The following CCDC39 variants were observed in gnomAD, a reference collection of about 807,000 sequenced individuals.
The protein encoded by CCDC39 is coiled-coil domain 39 molecular ruler complex subunit, also known as coiled-coil domain-containing protein 39.
A neutral mutation model predicts 121.0 loss-of-function variants in CCDC39; 113 were observed. The ratio of observed to expected loss-of-function variants is 0.93; its 90% confidence interval spans 0.80 to 1.09. CCDC39 has a LOEUF of 1.09. CCDC39 is among the 50% of genes least tolerant of loss of function. The probability of loss-of-function intolerance (pLI) is 0.00; values close to 1 mark genes in which losing one functional copy is unlikely to be tolerated. For synonymous variants in CCDC39, 349 were observed against 352.2 expected (o/e 0.99, Z 0.10); for missense variants, 1,063 against 1,074.7 (o/e 0.99, Z 0.15).
intron 1 of CCDC39, among the ~76,000 whole-genome samples, chr3:180,678,181 C>T (rs1226108900): frequency 1.3e-5 from 2 of 152,076 alleles, no homozygotes; most frequent in African/African-American, 4.8e-5. Context: ...GGATCTGAAC[C>T]CAGGGCTGGA....
At chr3:180,654,362 G>A (rs1711535009) in intron 7 of CCDC39, among the ~76,000 whole-genome samples, 1 of 151,302 alleles carries the variant, frequency 6.6e-6, no homozygotes, top group African/African-American at 2.4e-5. Flanking sequence ...CAGGAGAAAA[G>A]CTCCTTGACA....
Position 180,660,602 on chromosome 3 carries a change from T to G in CCDC39, c.484A>C (p.Lys162Gln). The change falls in exon 4 of 20, where the codon AAG becomes CAG. Residue 162 changes from lysine (K) to glutamine (Q), a missense_variant. Lys to Gln is a moderately conservative substitution (Grantham distance 53). Coordinates refer to ENST00000476379, the MANE Select transcript of CCDC39 (RefSeq NM_181426.2). ...TTATTATCATCTTGTTGTGCATACT[T>G]CTGGAGAGTGAGAGCATCACTATCT... Reference protein sequence around the residue: ...HKDSDALTLQKYAQQDDNKIR... With the variant: ...HKDSDALTLQQYAQQDDNKIR... 1 of 1,599,636 alleles carries G rather than the reference T, an allele frequency of 6.3e-7. No homozygotes were observed. Among genetic ancestry groups the G allele is most frequent in the East Asian group, 2.2e-5 (1 of 44,676 alleles).
intron 13 of CCDC39, among the ~76,000 whole-genome samples, chr3:180,636,319 C>T (rs1717827926): frequency 6.6e-6 from 1 of 152,100 alleles, no homozygotes; most frequent in African/African-American, 2.4e-5. Context: ...AACAGCCAAG[C>T]CAATAGCCAA....
At chr3:180,627,266 A>T (rs893464110) in intron 14 of CCDC39, among the ~76,000 whole-genome samples, 4 of 152,230 alleles carry the variant, frequency 2.6e-5, no homozygotes, top group African/African-American at 9.6e-5. Context: ...ACATAATTTT[A>T]AAAAGTTTAG....
At position 180,614,239 on chromosome 3, in the gene CCDC39, G is replaced by A. The variant is rs528083407; in HGVS notation, c.*682C>T. On this transcript the variant is annotated 3_prime_UTR_variant, in exon 20 of 20. Transcript: ENST00000476379. ...TTTCAAAATTGTTTATACTTGGTTG[G>A]CTGTATCTGAAAGCAAATCTTTAAT... 4 of 159,178 alleles carry A rather than the reference G, an allele frequency of 2.5e-5. No individual in the cohort carries two copies. The highest frequency in any genetic ancestry group is 6.1e-5 in the Admixed American group (1 of 16,272). The allele number at this position is 159,178 out of a possible 1,614,324, so 9.9% of individuals were successfully genotyped here.
chr3:180,642,306 A>G (rs1347554202), intron 12 of CCDC39, 105 bp from the exon 13 acceptor site: 3 of 581,570 alleles, frequency 5.2e-6, no homozygotes, highest in Non-Finnish European at 8.5e-6. Context: ...ACCTTTTTCC[A>G]ATTTAACCAT....
chr3:180,659,336 A>C, intron 6 of CCDC39, 116 bp downstream of exon 6: 1 of 1,300,188 alleles, frequency 7.7e-7, no homozygotes, highest in Non-Finnish European at 1.1e-6. Flanking sequence ...AAAACTACTG[A>C]ATATTGCTAC....
chr3:180,661,965 G>A lies in CCDC39; in HGVS notation c.253C>T (p.His85Tyr). 3 of 1,558,622 alleles carry A rather than the reference G, an allele frequency of 1.9e-6. No individual in the cohort carries two copies. Among genetic ancestry groups the A allele is most frequent in the Non-Finnish European group, 2.6e-6 (3 of 1,149,954 alleles). ...ARERETESEE[H>Y]FKAIAQRELG... ...TCTCTTTGAGCAATGGCCTTAAAAT[G>A]TTCTTCACTTTCAGTCTCACGCTCC... Residue 85 changes from histidine to tyrosine, a missense_variant, in exon 3 of 20, where the codon CAT (histidine) becomes TAT (tyrosine). Transcript: ENST00000476379.
At chr3:180,648,113 A>T in intron 10 of CCDC39, 52 bp downstream of exon 10, 1 of 1,428,138 alleles carries the variant, frequency 7.0e-7, no homozygotes, top group Non-Finnish European at 9.7e-7. Context: ...TATCTTGACC[A>T]TCACAACTGT....
At chr3:180,678,689 GTAGT>G (rs1395640989) in intron 1 of CCDC39, among the ~76,000 whole-genome samples, 1 of 151,464 alleles carries the variant, frequency 6.6e-6, no homozygotes, top group Non-Finnish European at 1.5e-5. Flanking sequence ...GCTATGAATT[GTAGT>G]TAGTGTAAGT....
intron 1 of CCDC39, among the ~76,000 whole-genome samples, chr3:180,668,952 G>C (rs2108433378): frequency 6.6e-6 from 1 of 152,256 alleles, no homozygotes; most frequent in Admixed American, 6.5e-5. Context: ...GCCTTTCCCA[G>C]ATTATTTTAA....
chr3:180,618,579 C>T (rs1717335653), intron 16 of CCDC39, among the ~76,000 whole-genome samples: 1 of 152,074 alleles, frequency 6.6e-6, no homozygotes, highest in South Asian at 2.1e-4. Flanking sequence ...CACAACAGGC[C>T]CCAGTGTGTG....
chr3:180,642,011 T>G lies in CCDC39; in HGVS notation c.1856A>C (p.Gln619Pro). 1 of 1,585,526 alleles carries G rather than the reference T, an allele frequency of 6.3e-7. No homozygotes were observed. The highest frequency in any genetic ancestry group is 2.3e-5 in the East Asian group (1 of 44,168). ...MLASQIRYVD[Q>P]ERENISTEFR... ...AAATTACCTTATGTTTTCCCGTTCT[T>G]GATCAACATATCTTATTTGTGACGC... Residue 619 changes from glutamine (Q) to proline (P), a missense_variant, in exon 13 of 20, where the codon CAA (glutamine) becomes CCA (proline). Transcript: ENST00000476379.
rs201586263 is a variant in CCDC39 at position 180,619,912 on chromosome 3, T to C, written c.2057A>G (p.Asn686Ser). 622 of 1,610,642 alleles carry C rather than the reference T, an allele frequency of 3.9e-4. 3 individuals are homozygous for C. The highest frequency in any genetic ancestry group is 8.2e-4 in the South Asian group (74 of 90,680). Residue 686 changes from asparagine (N) to serine (S), a missense_variant, in exon 15 of 20, where the codon AAC becomes AGC. Transcript: ENST00000476379. ...REGDCLDAKI[N>S]KAEKEIYALE... is the part of the protein sequence containing the mutation. ...AGCGTAGATTTCTTTTTCAGCTTTG[T>C]TGATCTTGGCATCCAAACAGTCACC...
chr3:180,677,330 T>A (rs887790004), intron 1 of CCDC39, among the ~76,000 whole-genome samples: 2 of 149,368 alleles, frequency 1.3e-5, no homozygotes, highest in Non-Finnish European at 3.0e-5. Context: ...TAAAAGTGAC[T>A]GCGGTAAGGA....
At chr3:180,672,470 T>C (rs560916363) in intron 1 of CCDC39, among the ~76,000 whole-genome samples, 1 of 152,170 alleles carries the variant, frequency 6.6e-6, no homozygotes, top group Admixed American at 6.5e-5. Flanking sequence ...GGCACATGCC[T>C]GTAATTCCAG....
intron 14 of CCDC39, among the ~76,000 whole-genome samples, chr3:180,629,511 A>G (rs1030751018): frequency 7.2e-5 from 11 of 152,332 alleles, no homozygotes; most frequent in Admixed American, 2.0e-4. Context: ...GGCCCACTAG[A>G]AAATGCCAAC....
intron 11 of CCDC39, among the ~76,000 whole-genome samples, chr3:180,646,207 A>C (rs1718063428): frequency 6.6e-6 from 1 of 152,044 alleles, no homozygotes. Flanking sequence ...TTTTCCACTA[A>C]ACAAAGATAA....
intron 13 of CCDC39, among the ~76,000 whole-genome samples, chr3:180,638,051 C>T (rs1717872468): frequency 6.6e-6 from 1 of 152,066 alleles, no homozygotes; most frequent in South Asian, 2.1e-4. Flanking sequence ...GTATAACAAA[C>T]CTGCACATGT....
Sources: gnomAD v4.1 joint callset for allele counts (sites outside exome capture counted in the v4.1 genomes callset) on GRCh38, gnomAD v4.1.1 for gene constraint, MANE v1.5 for transcripts, NCBI Gene and HGNC (gene_info 2026-07-23, HGNC 2026-07-21) for gene names.